CA10: variants seen among roughly 807,000 people sequenced by gnomAD.
The protein encoded by CA10 is carbonic anhydrase-related protein 10.
In CA10, 14 loss-of-function variants were observed where a neutral mutation model predicts 44.2. The ratio of observed to expected loss-of-function variants is 0.32; its 90% CI spans 0.21 to 0.50. The LOEUF (loss-of-function observed/expected upper bound fraction) is 0.50, where lower values mean the gene tolerates loss of function less well. Ranked by LOEUF, CA10 falls within the 20% of genes least tolerant of loss-of-function variation. The probability of loss-of-function intolerance (pLI) is 0.99; values close to 1 mark genes in which losing one functional copy is unlikely to be tolerated. For synonymous variants in CA10, 159 were observed against 141.6 expected (o/e 1.12, Z -0.87); for missense variants, 350 against 409.7 (o/e 0.85, Z 1.26).
chr17:51,928,996 T>C (rs1235272334), intron 3 of CA10, among the ~76,000 whole-genome samples: 2 of 152,180 alleles, frequency 1.3e-5, no homozygotes, highest in Non-Finnish European at 2.9e-5. Flanking sequence ...GATATAAATA[T>C]TTACATCATG....
At chr17:51,803,319 C>T (rs2143722842) in intron 3 of CA10, among the ~76,000 whole-genome samples, 1 of 152,266 alleles carries the variant, frequency 6.6e-6, no homozygotes, top group South Asian at 2.1e-4. Context: ...TTTCCTGAGC[C>T]TTTACTGTCC....
intron 4 of CA10, among the ~76,000 whole-genome samples, chr17:51,677,045 T>A (rs1475025090): frequency 2.6e-5 from 4 of 152,110 alleles, no homozygotes; most frequent in Non-Finnish European, 5.9e-5. Context: ...GGTAATGTAG[T>A]AGTGTGTTGA....
intron 3 of CA10, among the ~76,000 whole-genome samples, chr17:51,758,706 A>G (rs961545547): frequency 6.6e-6 from 1 of 152,216 alleles, no homozygotes; most frequent in Non-Finnish European, 1.5e-5. Flanking sequence ...ACTGCCAACC[A>G]ATGGTTTTAT....
chr17:51,847,414 T>C (rs994209774), intron 3 of CA10, among the ~76,000 whole-genome samples: 2 of 152,180 alleles, frequency 1.3e-5, no homozygotes, highest in African/African-American at 2.4e-5. Context: ...TCTGGATATT[T>C]GGAGAATGCC....
Position 51,649,318 on chromosome 17 carries a change from G to C in CA10, c.562-64C>G. ...TCTTGCAGGACAAACATCTCCCCGT[G>C]ACATTCACTTATTCATTCATAGTTA... On this transcript the variant is annotated intron_variant, in intron 5 of 8. Transcript: ENST00000451037. 3.5e-6 allele frequency: 4 copies of C among 1,155,760 alleles called. No homozygotes were observed. In the South Asian group the frequency reaches 4.9e-5, roughly 14 times the overall value. 71.6% of individuals were successfully genotyped at this position (1,155,760 alleles called of 1,614,324 possible). A position where few individuals can be genotyped will look rare whatever the true frequency, so the allele number is the denominator to read the frequency against.
intron 3 of CA10, among the ~76,000 whole-genome samples, chr17:51,862,761 T>TC (rs1222847380): frequency 1.3e-5 from 2 of 152,012 alleles, no homozygotes; most frequent in East Asian, 3.9e-4. Flanking sequence ...CCTTTTTTTT[T>TC]CTCTGTGTGT....
intron 2 of CA10, among the ~76,000 whole-genome samples, chr17:52,005,281 G>A (rs1985559924): frequency 6.6e-6 from 1 of 151,880 alleles, no homozygotes; most frequent in African/African-American, 2.4e-5. Context: ...ACCCCATTAT[G>A]CTTCCACATT....
chr17:52,007,693 T>A (rs1002700449), intron 2 of CA10, among the ~76,000 whole-genome samples: 15 of 151,452 alleles, frequency 9.9e-5, no homozygotes, highest in Non-Finnish European at 1.5e-4. Flanking sequence ...TAGCTTATAC[T>A]TTTTTTTCCT....
chr17:51,657,473 G>C (rs552082577), intron 4 of CA10, among the ~76,000 whole-genome samples: 3 of 152,312 alleles, frequency 2.0e-5, no homozygotes, highest in Admixed American at 6.5e-5. Flanking sequence ...CATGGGTCCA[G>C]GTGGGTCTGG....
rs190883343 is a variant in CA10, at chr17:52,054,311, G to A, written c.136+18008C>T. Among the ~76,000 whole-genome samples, 79 of 152,196 alleles carry A rather than the reference G, an allele frequency of 5.2e-4. 1 individual carries two copies. The highest frequency in any genetic ancestry group is 1.8e-3 in the African/African-American group (75 of 41,548). On this transcript the variant is annotated intron_variant, in intron 2 of 8. Transcript: ENST00000451037. ...GGGATGAAATAAGCCCCAGTCTCCT[G>A]TAGCACTCCCAGGCTTATTAGGATG... is the stretch of plus-strand genomic sequence containing the variant.
intron 4 of CA10, among the ~76,000 whole-genome samples, chr17:51,719,938 G>C (rs1916299457): frequency 6.6e-6 from 1 of 152,164 alleles, no homozygotes; most frequent in South Asian, 2.1e-4. Flanking sequence ...AGGCAATGAA[G>C]TGGGCTTTGA....
intron 3 of CA10, among the ~76,000 whole-genome samples, chr17:51,750,600 T>C (rs755279439): frequency 2.0e-5 from 3 of 152,188 alleles, no homozygotes; most frequent in Non-Finnish European, 2.9e-5. Flanking sequence ...CCAGGTCAAA[T>C]AGTGTACACA....
intron 1 of CA10, among the ~76,000 whole-genome samples, chr17:52,117,296 T>C (rs1289835602): frequency 6.6e-6 from 1 of 152,218 alleles, no homozygotes; most frequent in Non-Finnish European, 1.5e-5. Context: ...GAGAAACCTC[T>C]GTTTTCCTCA....
At position 52,157,829 on chromosome 17, in the gene CA10, G is replaced by A. The variant is rs1294720123; in HGVS notation, c.-43C>T. The A allele has an allele frequency of 4.0e-6, 6 of 1,515,164 alleles. No individual in the cohort carries two copies. Among genetic ancestry groups the A allele is most frequent in the Non-Finnish European group, 5.5e-6 (6 of 1,089,966 alleles). The allele number at this position is 1,515,164 out of a possible 1,614,324, so 93.9% of individuals were successfully genotyped here. Reference sequence around the variant, plus strand: ...AAGTGCATCACTCGACGGGAAAACGGGGGGAAGGGGGGAGCCCGACACGGC... The same window carrying A: ...AAGTGCATCACTCGACGGGAAAACGAGGGGAAGGGGGGAGCCCGACACGGC... On this transcript the variant is annotated 5_prime_UTR_variant, in exon 1 of 9. Coordinates refer to ENST00000451037, the MANE Select transcript of CA10 (RefSeq NM_020178.5).
chr17:52,120,024 T>C (rs1462414984), intron 1 of CA10, among the ~76,000 whole-genome samples: 2 of 152,150 alleles, frequency 1.3e-5, no homozygotes, highest in Admixed American at 1.3e-4. Context: ...TAGGAGTAAA[T>C]AGGGTGCCCA....
chr17:51,835,884 C>G (rs1315065148), intron 3 of CA10, among the ~76,000 whole-genome samples: 2 of 152,030 alleles, frequency 1.3e-5, no homozygotes, highest in African/African-American at 2.4e-5. Context: ...CAAGGAAGGT[C>G]AGAGAAGATG....
chr17:51,636,775 T>TTGTGTGTGTGTGTGTGTGTGTG (rs57428535), intron 6 of CA10, among the ~76,000 whole-genome samples: 3 of 146,510 alleles, frequency 2.0e-5, no homozygotes, highest in Non-Finnish European at 4.5e-5. Context: ...ACTGATTATT[T>TTGTGTGTGTGTGTGTGTGTGTG]TGTGTGTGTG....
intron 4 of CA10, among the ~76,000 whole-genome samples, chr17:51,713,753 C>A (rs187242474): frequency 2.5e-4 from 38 of 152,284 alleles, no homozygotes; most frequent in Non-Finnish European, 2.8e-4. Flanking sequence ...GTACCCTGTT[C>A]CTGGGTAGGT....
intron 4 of CA10, among the ~76,000 whole-genome samples, chr17:51,692,591 G>A (rs1344618382): frequency 1.3e-5 from 2 of 152,090 alleles, no homozygotes; most frequent in Non-Finnish European, 1.5e-5. Context: ...CATAAATGCA[G>A]TGAAAGTGAA....
Sources: allele counts gnomAD v4.1 joint callset (sites outside exome capture counted in the v4.1 genomes callset), GRCh38; gene constraint gnomAD v4.1.1; transcripts MANE v1.5; gene names NCBI Gene and HGNC (gene_info 2026-07-23, HGNC 2026-07-21).